COL11A2: variants seen among roughly 807,000 people sequenced by gnomAD.
The protein encoded by COL11A2 is collagen type XI alpha 2 chain.
In COL11A2, 116 loss-of-function variants were observed where a neutral mutation model predicts 273.4. The observed-to-expected ratio is 0.42, with a 90% CI of 0.36 to 0.49. The LOEUF is 0.49. COL11A2 is among the 20% of genes least tolerant of loss of function. COL11A2 has a pLI of 0.00. For synonymous variants in COL11A2, 782 were observed against 864.2 expected (o/e 0.90, Z 1.67); for missense variants, 1,866 against 2,309.0 (o/e 0.81, Z 3.93).
intron 38 of COL11A2, 144 bp from the exon 39 acceptor site, chr6:33,172,781 T>C (rs1439025544): frequency 1.2e-6 from 1 of 821,742 alleles, no homozygotes; most frequent in Non-Finnish European, 2.0e-6. Context: ...CCGGCATTCC[T>C]GGGCCACTGC....
At chr6:33,172,224 G>T (rs1433288023) in intron 40 of COL11A2, 65 bp downstream of exon 40, 69 of 1,570,648 alleles carry the variant, frequency 4.4e-5, no homozygotes, top group Non-Finnish European at 5.8e-5. Flanking sequence ...TCAGGGACAG[G>T]GTCGGGGTGG....
At chr6:33,186,941 A>G in intron 4 of COL11A2, 123 bp from the exon 5 acceptor site, 1 of 1,299,788 alleles carries the variant, frequency 7.7e-7, no homozygotes, top group Non-Finnish European at 1.1e-6. Flanking sequence ...GGTCACTGTC[A>G]GTCCTCCATA....
Position 33,179,872 on chromosome 6 carries a change from CT to C in COL11A2, c.1360-68del. ...GCCATGGGACCCTCCCAGCCAGAGGCTTTCTCCAGCGTTTCTGCCCCTTGCC... is the reference window on the plus strand; with the variant it reads ...GCCATGGGACCCTCCCAGCCAGAGGCTTCTCCAGCGTTTCTGCCCCTTGCC... On this transcript the variant is annotated intron_variant, in intron 12 of 65. Coordinates refer to ENST00000341947, the MANE Select transcript of COL11A2 (RefSeq NM_080680.3). The surrounding 1 kb of genome is among the most constrained non-coding windows in gnomAD (Gnocchi z 6.4). The C allele has an allele frequency of 1.4e-6, 2 of 1,462,556 alleles. No individual in the cohort carries two copies. Among genetic ancestry groups the C allele is most frequent in the Non-Finnish European group, 1.9e-6 (2 of 1,053,750 alleles). 90.6% of individuals were successfully genotyped at this position (1,462,556 alleles called of 1,614,324 possible). A position where few individuals can be genotyped will look rare whatever the true frequency, so the allele number is the denominator to read the frequency against.
In COL11A2 at chr6:33,170,142, G is replaced by A. The variant is rs1236994714; in HGVS notation, c.3583-42C>T. ...AATAGGTGTCATTGCTTAGGATGGA[G>A]GTGCCATTTCAGGGGCAAAGTCCCA... On this transcript the variant is annotated intron_variant, in intron 48 of 65. Coordinates refer to ENST00000341947, the MANE Select transcript of COL11A2 (RefSeq NM_080680.3). The surrounding 1 kb of genome is among the most constrained non-coding windows in gnomAD (Gnocchi z 4.3). The A allele has an allele frequency of 6.2e-7, 1 of 1,612,550 alleles. No individual in the cohort carries two copies. The highest frequency in any genetic ancestry group is 1.3e-5 in the African/African-American group (1 of 75,020).
In COL11A2 at chr6:33,188,486, A is replaced by G; in HGVS notation, c.482T>C (p.Val161Ala). The G allele has an allele frequency of 9.9e-6, 16 of 1,613,044 alleles. No homozygotes were observed. The highest frequency in any genetic ancestry group is 1.4e-5 in the Non-Finnish European group (16 of 1,180,026). The change falls in exon 4 of 66, where the codon GTC becomes GCC. Residue 161 changes from valine (V) to alanine (A), a missense_variant. Transcript: ENST00000341947. ...RVAVAVKGQS[V>A]TLIVDCKKRV... ...CTTCTTGCAGTCAACAATGAGGGTG[A>G]CAGACTGGCCCTTCACAGCCACAGC...
At chr6:33,181,912 G>T (rs1176470693) in intron 8 of COL11A2, among the ~76,000 whole-genome samples, 1 of 152,190 alleles carries the variant, frequency 6.6e-6, no homozygotes, top group Admixed American at 6.5e-5. Context: ...CATCATAAAA[G>T]AATCTCTCTA....
In COL11A2 at chr6:33,171,785, C is replaced by G. The variant is rs1770115538; in HGVS notation, c.3078G>C (p.Gly1026=). The G allele has an allele frequency of 6.2e-7, 1 of 1,612,820 alleles. No individual in the cohort carries two copies. Among genetic ancestry groups the G allele is most frequent in the Non-Finnish European group, 8.5e-7 (1 of 1,179,978 alleles). Residue 1026 remains glycine, a synonymous_variant, in exon 42 of 66, where the codon GGG becomes GGC. Transcript: ENST00000341947. ...SPGERGAAGS[G]GPIGPPGRPG... ...GGCGCCCTGGCGGACCAATGGGTCC[C>G]CCTGATCCTGCTGCACCTCGTTCCC...
rs1432298875 is a variant in COL11A2 at position 33,176,552 on chromosome 6, T to C, written c.2116-66A>G. On this transcript the variant is annotated intron_variant, in intron 26 of 65. Transcript: ENST00000341947. The surrounding 1 kb of genome is among the most constrained non-coding windows in gnomAD (Gnocchi z 4.9). ...GTGTCACTGTGGGGGCCTCCAGGGGTGGAAGAAATGGAAGTAACAACATTG... is the reference window on the plus strand; with the variant it reads ...GTGTCACTGTGGGGGCCTCCAGGGGCGGAAGAAATGGAAGTAACAACATTG... The C allele has an allele frequency of 6.1e-6, 9 of 1,466,768 alleles. No individual in the cohort carries two copies. Among genetic ancestry groups the C allele is most frequent in the Non-Finnish European group, 8.6e-6 (9 of 1,050,542 alleles). 90.9% of individuals were successfully genotyped at this position (1,466,768 alleles called of 1,614,324 possible). A position where few individuals can be genotyped will look rare whatever the true frequency, so the allele number is the denominator to read the frequency against.
intron 3 of COL11A2, 47 bp from the exon 4 acceptor site, chr6:33,188,571 T>C (rs571441938): frequency 9.9e-6 from 16 of 1,610,322 alleles, no homozygotes; most frequent in Admixed American, 6.7e-5. Context: ...CTGACTGAAG[T>C]AGGGGAGTCA....
At chr6:33,186,271 C>T (rs546332983) in intron 5 of COL11A2, among the ~76,000 whole-genome samples, 5 of 151,936 alleles carry the variant, frequency 3.3e-5, no homozygotes, top group East Asian at 1.9e-4. Context: ...CTCACCATCC[C>T]GACTGCTTTC....
intron 4 of COL11A2, among the ~76,000 whole-genome samples, chr6:33,187,672 GA>G (rs1772600328): frequency 6.6e-6 from 1 of 152,146 alleles, no homozygotes; most frequent in Admixed American, 6.5e-5. Context: ...GCAAATGGGT[GA>G]ATAGGTAGAT....
rs929008555 is a variant in COL11A2, at chr6:33,173,250, T to G, written c.2736+98A>C. The G allele has an allele frequency of 7.1e-6, 11 of 1,543,742 alleles. No individual in the cohort carries two copies. The African/African-American group carries it at 1.5e-4, about 21-fold the overall frequency. On this transcript the variant is annotated intron_variant, in intron 37 of 65. Coordinates refer to ENST00000341947, the MANE Select transcript of COL11A2 (RefSeq NM_080680.3). The surrounding 1 kb of genome is among the most constrained non-coding windows in gnomAD (Gnocchi z 6.3). The stretch of plus-strand genomic sequence containing the variant: ...TGAGCAGCACCAGGGCAGGCTCCAC[T>G]CTGCCAGGAGAACGTCCCTGTGGGC...
chr6:33,173,476 T>C lies in COL11A2; in HGVS notation c.2682+26A>G, dbSNP rs9277932. ...GGAAGAAGGACTCAGAGAAGCGAGG[T>C]GGGTCAGAGCTCGGGGTCAACTTAC... On this transcript the variant is annotated intron_variant, in intron 36 of 65. Transcript: ENST00000341947. The surrounding 1 kb of genome is among the most constrained non-coding windows in gnomAD (Gnocchi z 6.3). The C allele has an allele frequency of 8.5e-5, 137 of 1,611,184 alleles. No individual in the cohort carries two copies. The highest frequency in any genetic ancestry group is 1.1e-4 in the Non-Finnish European group (130 of 1,178,964).
At position 33,168,534 on chromosome 6, in the gene COL11A2, C is replaced by T. The variant is rs1321962760; in HGVS notation, c.3945G>A (p.Gly1315=). 1 of 1,613,476 alleles carries T rather than the reference C, an allele frequency of 6.2e-7. No homozygotes were observed. The highest frequency in any genetic ancestry group is 1.3e-5 in the African/African-American group (1 of 74,872). The stretch of plus-strand genomic sequence containing the variant: ...CCTCACTTACTCGCTTTCCAAGTGG[C>T]CCTGGGGGTCCATTCTCCCCGGTGG... ...PGPTGENGPP[G]PLGKRGPAGS... Residue 1315 remains glycine (G), a synonymous_variant, in exon 54 of 66, where the codon GGG becomes GGA. Transcript: ENST00000341947.
chr6:33,169,613 A>G lies in COL11A2; in HGVS notation c.3691-123T>C, dbSNP rs191021015. ...CTCAGTGACAATGGGACATACACAG[A>G]AAGTCAAGCCTACAAGGGGAGTTCC... is the stretch of plus-strand genomic sequence containing the variant. On this transcript the variant is annotated intron_variant, in intron 50 of 65. Transcript: ENST00000341947. The surrounding 1 kb of genome is among the most constrained non-coding windows in gnomAD (Gnocchi z 5.5). 2,347 of 1,140,988 alleles carry G rather than the reference A, an allele frequency of 2.1e-3. 6 individuals carry two copies. Among genetic ancestry groups the G allele is most frequent in the Middle Eastern group, 8.2e-3 (42 of 5,098 alleles). The allele number at this position is 1,140,988 out of a possible 1,614,324, so 70.7% of individuals were successfully genotyped here. A position where few individuals can be genotyped will look rare whatever the true frequency, so the allele number is the denominator to read the frequency against.
At chr6:33,188,829 TG>T in intron 3 of COL11A2, 148 bp downstream of exon 3, 1 of 971,878 alleles carries the variant, frequency 1.0e-6, no homozygotes, top group African/African-American at 1.6e-5. Flanking sequence ...GCCCAAACTC[TG>T]GACTAGAAGT....
In COL11A2 at chr6:33,181,173, G is replaced by A. The variant is rs1438179600; in HGVS notation, c.1120-3C>T. The A allele has an allele frequency of 1.9e-6, 3 of 1,614,038 alleles. No individual in the cohort carries two copies. The highest frequency in any genetic ancestry group is 1.3e-5 in the African/African-American group (1 of 74,894). Reference sequence around the variant, plus strand: ...AGCCCTCGGGGTCCATGGGCAGCCTGAAGGAGACACACATGTAGCCCCCAG... The same window carrying A: ...AGCCCTCGGGGTCCATGGGCAGCCTAAAGGAGACACACATGTAGCCCCCAG... On this transcript the variant is annotated splice_polypyrimidine_tract_variant and splice_region_variant and intron_variant, in intron 8 of 65. Coordinates refer to ENST00000341947, the MANE Select transcript of COL11A2 (RefSeq NM_080680.3).
Position 33,186,487 on chromosome 6 carries a change from G to T in COL11A2, c.798+140C>A. ...TTTTATTTTTAGATGAAAATAAAAA[G>T]GCTGATGAATGAGGACTAGGAGGAG... On this transcript the variant is annotated intron_variant, in intron 5 of 65. Coordinates refer to ENST00000341947, the MANE Select transcript of COL11A2 (RefSeq NM_080680.3). The T allele has an allele frequency of 2.0e-6, 3 of 1,506,262 alleles. No homozygotes were observed. The South Asian group carries it at 4.0e-5, about 20-fold the overall frequency. The allele number at this position is 1,506,262 out of a possible 1,614,324, so 93.3% of individuals were successfully genotyped here. A position where few individuals can be genotyped will look rare whatever the true frequency, so the allele number is the denominator to read the frequency against.
Position 33,178,568 on chromosome 6 carries a change from C to A in COL11A2, c.1720-80G>T. The A allele has an allele frequency of 3.1e-6, 5 of 1,607,864 alleles. No homozygotes were observed. Among genetic ancestry groups the A allele is most frequent in the Non-Finnish European group, 4.3e-6 (5 of 1,175,646 alleles). Reference sequence around the variant, plus strand: ...CACCGAACCTCTGCACTTAGCCCATCCATTACTTTCACTGAGCTCCTGCCA... The same window carrying A: ...CACCGAACCTCTGCACTTAGCCCATACATTACTTTCACTGAGCTCCTGCCA... On this transcript the variant is annotated intron_variant, in intron 18 of 65. Transcript: ENST00000341947. The surrounding 1 kb of genome is among the most constrained non-coding windows in gnomAD (Gnocchi z 4.6).
Sources: allele counts gnomAD v4.1 joint callset (sites outside exome capture counted in the v4.1 genomes callset), GRCh38; gene constraint gnomAD v4.1.1; non-coding constraint Gnocchi (gnomAD v3.1); transcripts MANE v1.5; gene names NCBI Gene and HGNC (gene_info 2026-07-23, HGNC 2026-07-21).